Variants in HS3ST4 observed in about 807,000 individuals in gnomAD.
The protein encoded by HS3ST4 is heparan sulfate-glucosamine 3-sulfotransferase 4, also known as heparan sulfate glucosamine 3-O-sulfotransferase 4.
HS3ST4 carries 17 observed loss-of-function variants against 29.2 expected under a neutral mutation model. That is an observed-to-expected ratio of 0.58 (90% CI 0.40 to 0.87). The LOEUF (loss-of-function observed/expected upper bound fraction) is 0.87, where lower values mean the gene tolerates loss of function less well. Ranked by LOEUF, HS3ST4 falls within the 40% of genes least tolerant of loss-of-function variation. HS3ST4 has a pLI of 0.00. For synonymous variants in HS3ST4, 314 were observed against 285.7 expected (o/e 1.10, Z -1.00); for missense variants, 627 against 634.5 (o/e 0.99, Z 0.13).
At chr16:26,106,915 A>T (rs191183363) in intron 1 of HS3ST4, among the ~76,000 whole-genome samples, 1 of 152,026 alleles carries the variant, frequency 6.6e-6, no homozygotes, top group Non-Finnish European at 1.5e-5. Context: ...AACAGCAACA[A>T]CTGATATTTC....
chr16:25,903,684 G>C (rs570915039), intron 1 of HS3ST4, among the ~76,000 whole-genome samples: 1 of 152,088 alleles, frequency 6.6e-6, no homozygotes, highest in South Asian at 2.1e-4. Flanking sequence ...CTGCCATCTT[G>C]AACTTCCTCC....
chr16:25,711,506 A>G (rs1194428432), intron 1 of HS3ST4, among the ~76,000 whole-genome samples: 5 of 152,182 alleles, frequency 3.3e-5, no homozygotes, highest in Non-Finnish European at 5.9e-5. Flanking sequence ...GGCCCCGTAA[A>G]GAGGAGCTGG....
chr16:26,129,044 C>T (rs1899383802), intron 1 of HS3ST4, among the ~76,000 whole-genome samples: 1 of 152,170 alleles, frequency 6.6e-6, no homozygotes, highest in Non-Finnish European at 1.5e-5. Context: ...CCACTCCTGA[C>T]CCTTCCAGAG....
At chr16:26,011,389 G>A (rs137870966) in intron 1 of HS3ST4, among the ~76,000 whole-genome samples, 3,032 of 151,618 alleles carry the variant, frequency 0.02, 107 homozygotes, top group African/African-American at 0.066. Context: ...GTGAAACCCC[G>A]TCTCTACTAA....
At chr16:26,052,865 T>A (rs1898363376) in intron 1 of HS3ST4, among the ~76,000 whole-genome samples, 1 of 152,232 alleles carries the variant, frequency 6.6e-6, no homozygotes, top group Non-Finnish European at 1.5e-5. Context: ...GTGGGGACCT[T>A]TATCTCTGGA....
intron 1 of HS3ST4, among the ~76,000 whole-genome samples, chr16:25,848,140 T>A (rs552591643): frequency 1.0e-4 from 15 of 148,946 alleles, no homozygotes; most frequent in African/African-American, 3.7e-4. Flanking sequence ...TTTGCTAACT[T>A]TTTTTTTTTA....
At chr16:26,084,802 G>A (rs1170799602) in intron 1 of HS3ST4, among the ~76,000 whole-genome samples, 2 of 151,858 alleles carry the variant, frequency 1.3e-5, no homozygotes, top group African/African-American at 4.8e-5. Flanking sequence ...TAGAGACAGG[G>A]CCTTATTTTG....
intron 1 of HS3ST4, among the ~76,000 whole-genome samples, chr16:25,794,896 T>TACACACACACACACAC (rs59740575): frequency 2.2e-5 from 3 of 136,682 alleles, no homozygotes; most frequent in Non-Finnish European, 3.1e-5. Context: ...TACTCAAGAA[T>TACACACACACACACAC]ACACACACAC....
chr16:26,084,736 C>T (rs1253872505), intron 1 of HS3ST4, among the ~76,000 whole-genome samples: 3 of 152,102 alleles, frequency 2.0e-5, no homozygotes, highest in Non-Finnish European at 4.4e-5. Context: ...AGGCTCACAC[C>T]TCCATGACTG....
intron 1 of HS3ST4, among the ~76,000 whole-genome samples, chr16:25,936,769 C>A (rs1968520587): frequency 6.6e-6 from 1 of 152,104 alleles, no homozygotes. Context: ...GCATTGTAGT[C>A]CAATGGGATA....
chr16:25,777,451 G>A (rs545157781), intron 1 of HS3ST4, among the ~76,000 whole-genome samples: 20 of 151,322 alleles, frequency 1.3e-4, no homozygotes, highest in Admixed American at 2.0e-4. Context: ...GTGTGTGCAC[G>A]TCCGTGTGTG....
chr16:25,864,908 T>TAC (rs1203848841), intron 1 of HS3ST4, among the ~76,000 whole-genome samples: 1 of 150,250 alleles, frequency 6.7e-6, no homozygotes, highest in East Asian at 1.9e-4. Context: ...AGAATATATA[T>TAC]ACACACACAC....
intron 1 of HS3ST4, among the ~76,000 whole-genome samples, chr16:26,053,088 T>C (rs1361561168): frequency 6.6e-6 from 1 of 152,220 alleles, no homozygotes; most frequent in Non-Finnish European, 1.5e-5. Context: ...GGCAAGCCCT[T>C]TCCTCTCTCT....
At chr16:25,850,939 A>G (rs933286833) in intron 1 of HS3ST4, among the ~76,000 whole-genome samples, 1 of 152,212 alleles carries the variant, frequency 6.6e-6, no homozygotes, top group Admixed American at 6.5e-5. Flanking sequence ...TTGGCCCATT[A>G]CAAAGTCTTT....
intron 1 of HS3ST4, among the ~76,000 whole-genome samples, chr16:26,011,700 G>A (rs1458651804): frequency 1.0e-5 from 1 of 95,548 alleles, no homozygotes; most frequent in African/African-American, 7.6e-5. Flanking sequence ...GTGTGTGTGT[G>A]TGTGAGAGAG....
chr16:25,716,679 G>A (rs1025490147), intron 1 of HS3ST4, among the ~76,000 whole-genome samples: 6 of 152,194 alleles, frequency 3.9e-5, no homozygotes, highest in East Asian at 1.9e-4. Context: ...TCCAGGCATC[G>A]TGCTGAGGGT....
At chr16:25,861,660 C>T (rs1203132032) in intron 1 of HS3ST4, among the ~76,000 whole-genome samples, 1 of 152,110 alleles carries the variant, frequency 6.6e-6, no homozygotes, top group African/African-American at 2.4e-5. Context: ...CTCCCCTTTA[C>T]ACTCCCTCAA....
chr16:26,054,948 T>G (rs556544244), intron 1 of HS3ST4, among the ~76,000 whole-genome samples: 46 of 152,306 alleles, frequency 3.0e-4, no homozygotes, highest in African/African-American at 1.1e-3. Context: ...TACTGGCCTC[T>G]GAAGTCATGG....
chr16:25,715,636 T>G (rs1364940713), intron 1 of HS3ST4, among the ~76,000 whole-genome samples: 1 of 152,258 alleles, frequency 6.6e-6, no homozygotes, highest in Non-Finnish European at 1.5e-5. Flanking sequence ...ACTTGGGGAT[T>G]CACCGTGAGG....
Sources: gnomAD v4.1 joint callset for allele counts (sites outside exome capture counted in the v4.1 genomes callset) on GRCh38, gnomAD v4.1.1 for gene constraint, MANE v1.5 for transcripts, NCBI Gene and HGNC (gene_info 2026-07-23, HGNC 2026-07-21) for gene names.